PFKFB2: variants seen among roughly 807,000 people sequenced by gnomAD.
The protein encoded by PFKFB2 is 6-phosphofructo-2-kinase/fructose-2,6-bisphosphatase 2.
Under a neutral mutation model 68.0 loss-of-function variants are expected in PFKFB2, and 53 were observed. The observed-to-expected ratio is 0.78, with a 90% CI of 0.63 to 0.98. The LOEUF is 0.98. Among genes scored for constraint, PFKFB2 ranks in the 50% least tolerant of loss-of-function variants. The pLI is 0.00. For synonymous variants in PFKFB2, 222 were observed against 227.6 expected (o/e 0.98, Z 0.22); for missense variants, 451 against 642.0 (o/e 0.70, Z 3.22).
upstream of PFKFB2, chr1:207,050,967 CGCCG>C: frequency 6.5e-7 from 1 of 1,550,162 alleles, no homozygotes; most frequent in Non-Finnish European, 8.7e-7. Flanking sequence ...TGTTGGGAGA[CGCCG>C]CCGGGGAAAC....
chr1:207,050,954 G>A (rs561023930), upstream of PFKFB2: 10 of 1,567,814 alleles, frequency 6.4e-6, no homozygotes, highest in South Asian at 5.7e-5. Context: ...GGTCCCGGCA[G>A]CCTGTTGGGA....
At chr1:207,049,658 C>T (rs1372703172), upstream of PFKFB2, 4 of 1,614,166 alleles carry the variant, frequency 2.5e-6, no homozygotes, top group South Asian at 4.4e-5. Context: ...CTAGAAGCAC[C>T]ACGTTTAGTA....
At chr1:207,037,236 G>GT (rs1187298249) in intron 1 of PFKFB2, among the ~76,000 whole-genome samples, 2 of 152,090 alleles carry the variant, frequency 1.3e-5, no homozygotes, top group Non-Finnish European at 2.9e-5. Flanking sequence ...GCCACTTTCA[G>GT]TTTTTTTAAA....
chr1:207,042,324 A>G (rs2629666), intron 2 of PFKFB2: 141,362 of 151,902 alleles, frequency 0.93, 66,634 homozygotes, highest in East Asian at 1. Context: ...TGAGGCGGGC[A>G]GTTCACGAGG....
intron 8 of PFKFB2, chr1:207,065,390 A>T: frequency 2.4e-6 from 2 of 840,842 alleles, no homozygotes; most frequent in Non-Finnish European, 2.9e-6. Context: ...TCACTCTGTC[A>T]CCCAGGCTGG....
In PFKFB2 at chr1:207,075,152, A is replaced by C. The variant is rs535162655; in HGVS notation, c.*2781A>C. On this transcript the variant is annotated 3_prime_UTR_variant, in exon 15 of 15. Transcript: ENST00000367080. The stretch of plus-strand genomic sequence containing the variant: ...TTAGCAAAAGGGGACTTCTCTAACA[A>C]GCTAGCATTGTGTTAACCTGTCATT... The C allele has an allele frequency of 1.0e-6, 1 of 985,358 alleles. No homozygotes were observed. The highest frequency in any genetic ancestry group is 6.1e-5 in the Admixed American group (1 of 16,266). 61.0% of individuals were successfully genotyped at this position (985,358 alleles called of 1,614,324 possible). A position where few individuals can be genotyped will look rare whatever the true frequency, so the allele number is the denominator to read the frequency against.
At chr1:207,034,585 T>C (rs1351740033) in intron 1 of PFKFB2, 1 of 152,228 alleles carries the variant, frequency 6.6e-6, no homozygotes, top group East Asian at 1.9e-4. Context: ...TCAGTTATAA[T>C]AAAATTAGGA....
rs4520420 is a variant in PFKFB2, at chr1:207,070,967, T to C, written c.1223-221T>C. 6.6e-6 allele frequency among the ~76,000 whole-genome samples: 1 copy of C among 152,144 alleles called. No individual in the cohort carries two copies. Reference sequence around the variant, plus strand: ...CTCTGGCTACAATACTTCCTGTTTTTGCCTGCGTGGAAGGATCTAAGATGG... The same window carrying C: ...CTCTGGCTACAATACTTCCTGTTTTCGCCTGCGTGGAAGGATCTAAGATGG... On this transcript the variant is annotated intron_variant, in intron 12 of 14. Transcript: ENST00000367080. The surrounding 1 kb of genome is among the most constrained non-coding windows in gnomAD (Gnocchi z 4.2).
intron 2 of PFKFB2, chr1:207,047,187 GC>G (rs1682620817): frequency 6.6e-6 from 1 of 152,472 alleles, no homozygotes; most frequent in African/African-American, 2.4e-5. Context: ...AGTATCATAA[GC>G]TCATCAGTGC....
At position 207,061,997 on chromosome 1, in the gene PFKFB2, A is replaced by AT; in HGVS notation, c.132dup (p.Gly45TrpfsTer7). 6.2e-7 allele frequency: 1 copy of AT among 1,614,138 alleles called. No homozygotes were observed. The highest frequency in any genetic ancestry group is 8.5e-7 in the Non-Finnish European group (1 of 1,180,000). On this transcript the variant is annotated frameshift_variant, in exon 3 of 15. Transcript: ENST00000367080. LOFTEE classifies it high-confidence loss of function. ...CAACTCCCCGACTCTGATCGTTATG[A>AT]TTGGTTTGCCAGCCCGGGGTAAAAC...
Position 207,077,602 on chromosome 1 carries a change from A to G in PFKFB2, c.*5231A>G. ...TTGAATGGGAATGGGTCAGATTGGGAAGCCTAGGAAGAGAGTTCTACTGTA... is the reference window on the plus strand; with the variant it reads ...TTGAATGGGAATGGGTCAGATTGGGGAGCCTAGGAAGAGAGTTCTACTGTA... On this transcript the variant is annotated 3_prime_UTR_variant, in exon 15 of 15. Coordinates refer to ENST00000367080, the MANE Select transcript of PFKFB2 (RefSeq NM_006212.2). The G allele has an allele frequency of 1.0e-6, 1 of 985,728 alleles. No individual in the cohort carries two copies. The highest frequency in any genetic ancestry group is 1.2e-6 in the Non-Finnish European group (1 of 829,844). 61.1% of individuals were successfully genotyped at this position (985,728 alleles called of 1,614,324 possible). A position where few individuals can be genotyped will look rare whatever the true frequency, so the allele number is the denominator to read the frequency against.
At chr1:207,057,673 C>G (rs1441429209) in intron 2 of PFKFB2, among the ~76,000 whole-genome samples, 2 of 152,126 alleles carry the variant, frequency 1.3e-5, no homozygotes, top group Admixed American at 1.3e-4. Flanking sequence ...ACTCCTGTTT[C>G]TTCCAAATTT....
chr1:207,049,407 T>A (rs560976003), upstream of PFKFB2: 4 of 1,614,198 alleles, frequency 2.5e-6, no homozygotes, highest in South Asian at 4.4e-5. Context: ...CTATTGCTCC[T>A]CCCCAAGTGT....
intron 1 of PFKFB2, among the ~76,000 whole-genome samples, chr1:207,035,825 G>A (rs1682367208): frequency 6.6e-6 from 1 of 152,132 alleles, no homozygotes; most frequent in African/African-American, 2.4e-5. Context: ...AGTGTCACAC[G>A]GTGAGACAGG....
intron 8 of PFKFB2, 103 bp downstream of exon 8, chr1:207,065,263 C>T: frequency 6.5e-7 from 1 of 1,544,170 alleles, no homozygotes; most frequent in Non-Finnish European, 8.7e-7. Flanking sequence ...TAATCTAGAT[C>T]TACAGTGTTA....
chr1:207,065,393 CA>C (rs1683254649), intron 8 of PFKFB2: 1 of 812,014 alleles, frequency 1.2e-6, no homozygotes, highest in Non-Finnish European at 1.5e-6. Context: ...CTCTGTCACC[CA>C]GGCTGGAGTG....
At chr1:207,057,302 C>CAAAA (rs748726221) in intron 2 of PFKFB2, among the ~76,000 whole-genome samples, 1 of 40,382 alleles carries the variant, frequency 2.5e-5, no homozygotes, top group Admixed American at 3.0e-4. Flanking sequence ...AAAAAAACTA[C>CAAAA]AAAAAAAAAA....
intron 2 of PFKFB2, among the ~76,000 whole-genome samples, chr1:207,043,425 T>G (rs184610923): frequency 6.6e-6 from 1 of 152,358 alleles, no homozygotes; most frequent in East Asian, 1.9e-4. Flanking sequence ...CTCTGGCCAA[T>G]TGTAATAGCC....
intron 1 of PFKFB2, among the ~76,000 whole-genome samples, chr1:207,036,878 A>C (rs1427308853): frequency 6.6e-6 from 1 of 152,144 alleles, no homozygotes; most frequent in Admixed American, 6.5e-5. Flanking sequence ...CACACATCCA[A>C]CTGCTTGTTA....
Sources: gnomAD v4.1 joint callset for allele counts (sites outside exome capture counted in the v4.1 genomes callset) on GRCh38, gnomAD v4.1.1 for gene constraint, Gnocchi (gnomAD v3.1) non-coding constraint, MANE v1.5 for transcripts, NCBI Gene and HGNC (gene_info 2026-07-23, HGNC 2026-07-21) for gene names.